ZNF451: variants seen among roughly 807,000 people sequenced by gnomAD.
ZNF451 encodes the protein E3 SUMO-protein ligase ZNF451.
ZNF451 carries 80 observed loss-of-function variants against 107.1 expected under a neutral mutation model. The observed-to-expected ratio is 0.75, with a 90% CI of 0.62 to 0.90. The LOEUF (loss-of-function observed/expected upper bound fraction) is 0.90. Among genes scored for constraint, ZNF451 ranks in the 40% least tolerant of loss-of-function variants. ZNF451 has a pLI of 0.00. For synonymous variants in ZNF451, 362 were observed against 406.5 expected (o/e 0.89, Z 1.32); for missense variants, 1,107 against 1,236.2 (o/e 0.90, Z 1.57).
intron 13 of ZNF451, among the ~76,000 whole-genome samples, chr6:57,157,303 C>G (rs896652121): frequency 6.6e-6 from 1 of 152,122 alleles, no homozygotes; most frequent in Non-Finnish European, 1.5e-5. Context: ...TGGTATCATA[C>G]TAGGAGAAAT....
intron 9 of ZNF451, among the ~76,000 whole-genome samples, chr6:57,145,141 G>C (rs1831999769): frequency 6.6e-6 from 1 of 152,064 alleles, no homozygotes; most frequent in Admixed American, 6.5e-5. Context: ...CTGGAGTTTA[G>C]TAGTGAAGAC....
At chr6:57,138,163 C>T (rs1831527966) in intron 7 of ZNF451, among the ~76,000 whole-genome samples, 1 of 151,956 alleles carries the variant, frequency 6.6e-6, no homozygotes, top group Non-Finnish European at 1.5e-5. Flanking sequence ...AAGTGCCAAA[C>T]TGCTGTCTAG....
In ZNF451 at chr6:57,105,924, C is replaced by A. The variant is rs1043835813; in HGVS notation, c.186+6783C>A. The stretch of plus-strand genomic sequence containing the variant: ...TTAAACCGTGTGGCAGCTTCTTTAT[C>A]AATCAGTATAATTCCATTTATTTAC... On this transcript the variant is annotated intron_variant, in intron 3 of 14. Coordinates refer to ENST00000370706, the MANE Select transcript of ZNF451 (RefSeq NM_001031623.3). 8.1e-6 allele frequency: 8 copies of A among 984,790 alleles called. No homozygotes were observed. In the African/African-American group the frequency reaches 1.2e-4, roughly 15 times the overall value. 61.0% of individuals were successfully genotyped at this position (984,790 alleles called of 1,614,324 possible). A position where few individuals can be genotyped will look rare whatever the true frequency, so the allele number is the denominator to read the frequency against.
intron 3 of ZNF451, among the ~76,000 whole-genome samples, chr6:57,119,174 A>G (rs1593112781): frequency 1.3e-5 from 2 of 152,178 alleles, no homozygotes; most frequent in South Asian, 4.1e-4. Flanking sequence ...GGTTGTACAT[A>G]TGTGACTGAT....
intron 9 of ZNF451, among the ~76,000 whole-genome samples, chr6:57,143,979 C>G (rs1831922123): frequency 6.6e-6 from 1 of 152,102 alleles, no homozygotes; most frequent in Non-Finnish European, 1.5e-5. Flanking sequence ...ATTCCATTCA[C>G]ATGAAATTCC....
At chr6:57,100,980 A>G (rs1173609995) in intron 3 of ZNF451, 3 of 1,551,108 alleles carry the variant, frequency 1.9e-6, no homozygotes, top group Admixed American at 3.9e-5. Context: ...TCCAGACACA[A>G]GTAGCTGAAA....
In ZNF451 at chr6:57,090,224, A is replaced by G; in HGVS notation, c.-30A>G. ...CGGCGGCGGCAGGGACAGCAGGAGC[A>G]GTGGTGCTGTCAGCGCGGCCGTCGG... On this transcript the variant is annotated 5_prime_UTR_variant, in exon 1 of 15. Transcript: ENST00000370706. 6.2e-7 allele frequency: 1 copy of G among 1,607,362 alleles called. No homozygotes were observed. Among genetic ancestry groups the G allele is most frequent in the Non-Finnish European group, 8.5e-7 (1 of 1,177,642 alleles).
intron 3 of ZNF451, chr6:57,105,101 C>T: frequency 1.0e-6 from 1 of 985,368 alleles, no homozygotes; most frequent in Non-Finnish European, 1.2e-6. Flanking sequence ...GAATCAGAAA[C>T]TCTTAGTCAG....
chr6:57,105,485 G>A (rs1217848343), intron 3 of ZNF451: 2 of 985,132 alleles, frequency 2.0e-6, no homozygotes, highest in African/African-American at 3.5e-5. Flanking sequence ...ATTTAATCTT[G>A]TAGTTTATCA....
At chr6:57,153,480 C>T (rs2041625738) in intron 12 of ZNF451, among the ~76,000 whole-genome samples, 1 of 151,204 alleles carries the variant, frequency 6.6e-6, no homozygotes, top group African/African-American at 2.4e-5. Flanking sequence ...GCGATCTTGG[C>T]TGCAACTTCT....
chr6:57,142,225 C>A, intron 9 of ZNF451, 130 bp downstream of exon 9: 1 of 1,066,264 alleles, frequency 9.4e-7, no homozygotes, highest in Non-Finnish European at 1.3e-6. Context: ...GGAAATTAGC[C>A]AAATTTAACA....
At chr6:57,157,439 T>C (rs1358403234) in intron 13 of ZNF451, among the ~76,000 whole-genome samples, 1 of 152,130 alleles carries the variant, frequency 6.6e-6, no homozygotes, top group Non-Finnish European at 1.5e-5. Context: ...TAAGGCATTG[T>C]TTTAGCATGG....
chr6:57,119,573 TAG>T (rs1562602991), intron 3 of ZNF451, among the ~76,000 whole-genome samples: 1 of 152,096 alleles, frequency 6.6e-6, no homozygotes, highest in Non-Finnish European at 1.5e-5. Flanking sequence ...TTTCTTAAAA[TAG>T]ACTTTTTAAA....
chr6:57,132,761 G>A lies in ZNF451; in HGVS notation c.425-281G>A, dbSNP rs141558494. ...GGTGGCGTGCTCCTGTAGTTTGAGCGACAGCAGGAGAATTGATTGAGCCTG... is the reference window on the plus strand; with the variant it reads ...GGTGGCGTGCTCCTGTAGTTTGAGCAACAGCAGGAGAATTGATTGAGCCTG... On this transcript the variant is annotated intron_variant, in intron 5 of 14. Coordinates refer to ENST00000370706, the MANE Select transcript of ZNF451 (RefSeq NM_001031623.3). Among the ~76,000 whole-genome samples the A allele has an allele frequency of 4.6e-4, 70 of 151,942 alleles. 1 individual carries two copies. Among genetic ancestry groups the A allele is most frequent in the South Asian group, 1.5e-3 (7 of 4,808 alleles).
At chr6:57,105,862 C>T (rs1829828395) in intron 3 of ZNF451, 1 of 984,158 alleles carries the variant, frequency 1.0e-6, no homozygotes, top group South Asian at 4.7e-5. Flanking sequence ...TGAATGACAG[C>T]TTCCTTATCA....
chr6:57,141,542 A>T, intron 8 of ZNF451, 87 bp downstream of exon 8: 3 of 1,196,812 alleles, frequency 2.5e-6, no homozygotes, highest in Non-Finnish European at 1.1e-6. Flanking sequence ...TTGAGATTAC[A>T]TATCCTCATC....
intron 2 of ZNF451, 104 bp from the exon 3 acceptor site, chr6:57,098,957 G>T: frequency 1.3e-6 from 1 of 753,474 alleles, no homozygotes. Context: ...TCCCTCTTCA[G>T]AGTAATTCTT....
chr6:57,147,801 A>G lies in ZNF451; in HGVS notation c.1716A>G (p.Pro572=). The part of the protein sequence containing the change: ...EMDEVEGETL[P]SSSTTLDNLT... ...ATGAGGTAGAAGGTGAAACTTTGCC[A>G]TCATCCTCTACAACATTGGATAATT... The change falls in exon 10 of 15, where the codon CCA becomes CCG. Residue 572 remains proline (P), a synonymous_variant. Coordinates refer to ENST00000370706, the MANE Select transcript of ZNF451 (RefSeq NM_001031623.3). 1 of 1,614,072 alleles carries G rather than the reference A, an allele frequency of 6.2e-7. No individual in the cohort carries two copies. The highest frequency in any genetic ancestry group is 8.5e-7 in the Non-Finnish European group (1 of 1,179,988).
At chr6:57,108,676 T>A (rs1390895848) in intron 3 of ZNF451, 1 of 985,328 alleles carries the variant, frequency 1.0e-6, no homozygotes, top group African/African-American at 1.7e-5. Context: ...TTGGAACAGC[T>A]TCTATATATT....
Sources: gnomAD v4.1 joint callset for allele counts (sites outside exome capture counted in the v4.1 genomes callset) on GRCh38, gnomAD v4.1.1 for gene constraint, MANE v1.5 for transcripts, NCBI Gene and HGNC (gene_info 2026-07-23, HGNC 2026-07-21) for gene names.